The following RABGAP1L variants were observed in gnomAD, a reference collection of about 807,000 sequenced individuals.
RABGAP1L encodes rab GTPase-activating protein 1-like.
A neutral mutation model predicts 137.7 loss-of-function variants in RABGAP1L; 63 were observed. That is an observed-to-expected ratio of 0.46 (90% CI 0.37 to 0.56). The LOEUF is 0.56. Among genes scored for constraint, RABGAP1L ranks in the 20% least tolerant of loss-of-function variants. The pLI is 0.00. For synonymous variants in RABGAP1L, 431 were observed against 433.7 expected (o/e 0.99, Z 0.08); for missense variants, 1,095 against 1,244.0 (o/e 0.88, Z 1.80).
intron 13 of RABGAP1L, among the ~76,000 whole-genome samples, chr1:174,513,782 CTTAATG>C (rs1323872562): frequency 7.4e-6 from 1 of 136,006 alleles, no homozygotes; most frequent in Admixed American, 7.1e-5. Flanking sequence ...TGGAATTTCT[CTTAATG>C]TTATAGTAAC....
intron 19 of RABGAP1L, among the ~76,000 whole-genome samples, chr1:174,912,564 A>G (rs1454817234): frequency 6.6e-6 from 1 of 152,254 alleles, no homozygotes; most frequent in African/African-American, 2.4e-5. Context: ...TGAATCTGGT[A>G]GAGTGCCAGC....
chr1:174,311,288 A>G (rs112979424), intron 11 of RABGAP1L, among the ~76,000 whole-genome samples: 1 of 152,158 alleles, frequency 6.6e-6, no homozygotes, highest in African/African-American at 2.4e-5. Context: ...GCCCCCTTAT[A>G]AAACCATCAG....
chr1:174,616,506 A>C (rs1020355163), intron 13 of RABGAP1L, among the ~76,000 whole-genome samples: 2 of 152,210 alleles, frequency 1.3e-5, no homozygotes. Context: ...AAAGTAAATA[A>C]GAATTGGTCA....
At chr1:174,957,918 G>A in intron 20 of RABGAP1L, 1 of 1,586,818 alleles carries the variant, frequency 6.3e-7, no homozygotes, top group Non-Finnish European at 8.6e-7. Flanking sequence ...AACTCCAGCT[G>A]TTGCATTTAT....
At position 174,363,741 on chromosome 1, in the gene RABGAP1L, G is replaced by C. The variant is rs142126820; in HGVS notation, c.1466-7238G>C. 2.3e-3 allele frequency among the ~76,000 whole-genome samples: 342 copies of C among 151,682 alleles called. 2 individuals are homozygous for C. The highest frequency in any genetic ancestry group is 7.5e-3 in the African/African-American group (312 of 41,388). ...ATTTCTTCTATCCCCATTTTTTGAG[G>C]GTTTTTATTATGAAGGAATGATGAA... On this transcript the variant is annotated intron_variant, in intron 11 of 25. Coordinates refer to ENST00000681986, the MANE Select transcript of RABGAP1L (RefSeq NM_001366446.1).
At chr1:174,704,582 A>T (rs1438120247) in intron 17 of RABGAP1L, among the ~76,000 whole-genome samples, 2 of 152,236 alleles carry the variant, frequency 1.3e-5, no homozygotes, top group Non-Finnish European at 2.9e-5. Context: ...GGCTTGCAGA[A>T]TAGGTTTCCA....
chr1:174,797,484 GGTGT>G, intron 18 of RABGAP1L, among the ~76,000 whole-genome samples: 1 of 148,082 alleles, frequency 6.8e-6, no homozygotes, highest in African/African-American at 2.5e-5. Flanking sequence ...GTGTTGGGGG[GGTGT>G]GTGTGTGTGG....
intron 17 of RABGAP1L, among the ~76,000 whole-genome samples, chr1:174,717,687 A>G (rs935014913): frequency 6.6e-6 from 1 of 152,134 alleles, no homozygotes; most frequent in Non-Finnish European, 1.5e-5. Context: ...ATCTAGATGT[A>G]TTATCTAATT....
chr1:174,612,538 C>T (rs1671361589), intron 13 of RABGAP1L, among the ~76,000 whole-genome samples: 1 of 152,046 alleles, frequency 6.6e-6, no homozygotes, highest in Non-Finnish European at 1.5e-5. Flanking sequence ...GTGTCTCTGC[C>T]CGGCTTTGGT....
At chr1:174,525,060 G>A (rs992820554) in intron 13 of RABGAP1L, among the ~76,000 whole-genome samples, 6 of 151,940 alleles carry the variant, frequency 3.9e-5, no homozygotes, top group Non-Finnish European at 8.8e-5. Flanking sequence ...GTAATATAAT[G>A]TGATGTCAGG....
intron 1 of RABGAP1L, among the ~76,000 whole-genome samples, chr1:174,178,015 A>G (rs1265674411): frequency 2.6e-5 from 4 of 152,232 alleles, no homozygotes; most frequent in Non-Finnish European, 5.9e-5. Context: ...TAATTCTGCA[A>G]AGAAAGTCAA....
chr1:174,204,413 C>G (rs1304771330), intron 1 of RABGAP1L, among the ~76,000 whole-genome samples: 1 of 152,150 alleles, frequency 6.6e-6, no homozygotes, highest in Admixed American at 6.5e-5. Context: ...TTACTCTTGC[C>G]TAATTGCTCT....
At chr1:174,398,683 A>G (rs1648180384) in intron 13 of RABGAP1L, among the ~76,000 whole-genome samples, 2 of 152,152 alleles carry the variant, frequency 1.3e-5, no homozygotes, top group South Asian at 2.1e-4. Flanking sequence ...TCTGGCTACT[A>G]TCTTCATGGA....
At chr1:174,481,077 T>C (rs571075711) in intron 13 of RABGAP1L, among the ~76,000 whole-genome samples, 426 of 152,318 alleles carry the variant, frequency 2.8e-3, no homozygotes, top group Non-Finnish European at 4.9e-3. Flanking sequence ...CTACCAAAGC[T>C]TTAACCTTCT....
rs1365629598 is a variant in RABGAP1L, at chr1:174,990,351, G to C, written c.*350G>C. ...TATTTTTATCTTACATAAAAATGGAGACATCTGTTATTCCAAGGTTGAAGT... is the reference window on the plus strand; with the variant it reads ...TATTTTTATCTTACATAAAAATGGACACATCTGTTATTCCAAGGTTGAAGT... On this transcript the variant is annotated 3_prime_UTR_variant, in exon 26 of 26. Coordinates refer to ENST00000681986, the MANE Select transcript of RABGAP1L (RefSeq NM_001366446.1). 6.1e-6 allele frequency: 1 copy of C among 164,168 alleles called. No homozygotes were observed. The highest frequency in any genetic ancestry group is 1.3e-5 in the Non-Finnish European group (1 of 76,596). 10.2% of individuals were successfully genotyped at this position (164,168 alleles called of 1,614,324 possible).
At chr1:174,913,747 A>G (rs1297795248) in intron 19 of RABGAP1L, among the ~76,000 whole-genome samples, 2 of 152,164 alleles carry the variant, frequency 1.3e-5, no homozygotes, top group African/African-American at 2.4e-5. Context: ...TAAAGTTTCA[A>G]TGGAGTAATT....
At chr1:174,712,010 T>C (rs1159139361) in intron 17 of RABGAP1L, among the ~76,000 whole-genome samples, 8 of 152,210 alleles carry the variant, frequency 5.3e-5, no homozygotes, top group South Asian at 4.1e-4. Context: ...TTGGAGAACT[T>C]TTGTGTCTAG....
Position 174,678,942 on chromosome 1 carries a change from A to C in RABGAP1L, c.1825-4580A>C, listed in dbSNP as rs139202703. ...TGGGTGTGCGACAGTGGCAAACAGC[A>C]GTGGTGGATGGCAAGCGAAAGCTCA... On this transcript the variant is annotated intron_variant, in intron 14 of 25. Transcript: ENST00000681986. Among the ~76,000 whole-genome samples the C allele has an allele frequency of 3.2e-3, 482 of 152,362 alleles. 3 individuals are homozygous for C. Among genetic ancestry groups the C allele is most frequent in the African/African-American group, 9.8e-3 (409 of 41,578 alleles).
chr1:174,966,583 G>A (rs771344885), intron 20 of RABGAP1L, among the ~76,000 whole-genome samples: 3 of 152,194 alleles, frequency 2.0e-5, no homozygotes, highest in African/African-American at 4.8e-5. Context: ...CTTAGGCAAA[G>A]ATTCAAAGAT....
Sources: allele counts gnomAD v4.1 joint callset (sites outside exome capture counted in the v4.1 genomes callset), GRCh38; gene constraint gnomAD v4.1.1; transcripts MANE v1.5; gene names NCBI Gene and HGNC (gene_info 2026-07-23, HGNC 2026-07-21).